The following GRM7 variants were observed in gnomAD, a reference collection of about 807,000 sequenced individuals.
GRM7 encodes the protein metabotropic glutamate receptor 7.
Under a neutral mutation model 84.5 loss-of-function variants are expected in GRM7, and 35 were observed. That is an observed-to-expected ratio of 0.41 (90% CI 0.32 to 0.55). GRM7 has a LOEUF of 0.55. Among genes scored for constraint, GRM7 ranks in the 20% least tolerant of loss-of-function variants. GRM7 has a pLI of 0.19. For missense variants in GRM7, 1,003 were observed against 1,194.6 expected (o/e 0.84, Z 2.36); for synonymous variants, 487 against 455.1 (o/e 1.07, Z -0.89).
chr3:7,112,327 C>T (rs1460280031), intron 1 of GRM7, among the ~76,000 whole-genome samples: 4 of 151,758 alleles, frequency 2.6e-5, no homozygotes, highest in Admixed American at 6.6e-5. Flanking sequence ...CAGGTTCAAG[C>T]GATTCTCCTG....
chr3:7,262,627 G>C (rs1698475142), intron 2 of GRM7, among the ~76,000 whole-genome samples: 1 of 152,284 alleles, frequency 6.6e-6, no homozygotes, highest in African/African-American at 2.4e-5. Context: ...GCCTGGTTAA[G>C]AATTTTTGCT....
At chr3:7,513,331 T>C (rs1700274310) in intron 7 of GRM7, among the ~76,000 whole-genome samples, 1 of 152,176 alleles carries the variant, frequency 6.6e-6, no homozygotes, top group African/African-American at 2.4e-5. Context: ...GTCCTCATTA[T>C]TTAGAAACTT....
Position 7,085,819 on chromosome 3 carries a change from T to C in GRM7, c.520-60633T>C, listed in dbSNP as rs565307736. On this transcript the variant is annotated intron_variant, in intron 1 of 9. Coordinates refer to ENST00000357716, the MANE Select transcript of GRM7 (RefSeq NM_000844.4). ...AACCTACCCCCATCCTCTTGGAATA[T>C]TGATCTTATTCAGTTGTTGGAAAAT... 2.0e-5 allele frequency among the ~76,000 whole-genome samples: 3 copies of C among 152,266 alleles called. No individual in the cohort carries two copies. In the South Asian group the frequency reaches 6.2e-4, roughly 32 times the overall value.
intron 1 of GRM7, among the ~76,000 whole-genome samples, chr3:7,062,661 G>A (rs1697469460): frequency 6.6e-6 from 1 of 151,608 alleles, no homozygotes. Flanking sequence ...GTAAAAAGTT[G>A]ACTTTTAGCA....
At chr3:7,728,261 GGAAAA>G (rs1702200221) in intron 9 of GRM7, among the ~76,000 whole-genome samples, 1 of 152,180 alleles carries the variant, frequency 6.6e-6, no homozygotes, top group Non-Finnish European at 1.5e-5. Context: ...CAGACAAACT[GGAAAA>G]GAAGAGAGTT....
chr3:7,609,836 C>G (rs895329970), intron 8 of GRM7, among the ~76,000 whole-genome samples: 4 of 152,128 alleles, frequency 2.6e-5, no homozygotes, highest in African/African-American at 9.7e-5. Flanking sequence ...ACTTTGACAA[C>G]CACTCCTTTA....
At chr3:7,597,062 G>A (rs892548748) in intron 8 of GRM7, among the ~76,000 whole-genome samples, 3 of 152,154 alleles carry the variant, frequency 2.0e-5, no homozygotes, top group African/African-American at 7.2e-5. Flanking sequence ...AAATACCTGA[G>A]ACTGGGTAAT....
chr3:7,488,783 G>A (rs1214212175), intron 7 of GRM7, among the ~76,000 whole-genome samples: 1 of 152,020 alleles, frequency 6.6e-6, no homozygotes, highest in Admixed American at 6.6e-5. Context: ...CATATAAAAA[G>A]TTGGTTGTCT....
chr3:6,987,620 T>C (rs1005824699), intron 1 of GRM7, among the ~76,000 whole-genome samples: 4 of 152,128 alleles, frequency 2.6e-5, no homozygotes, highest in African/African-American at 9.7e-5. Flanking sequence ...AGGTGAAGTT[T>C]GAGAGCTATT....
At chr3:7,370,203 AT>A (rs900734800) in intron 4 of GRM7, among the ~76,000 whole-genome samples, 27 of 152,182 alleles carry the variant, frequency 1.8e-4, no homozygotes, top group East Asian at 1.4e-3. Context: ...GATACTGAGA[AT>A]TTTTTTTACT....
chr3:7,132,979 A>G (rs1693654106), intron 1 of GRM7, among the ~76,000 whole-genome samples: 1 of 152,104 alleles, frequency 6.6e-6, no homozygotes, highest in African/African-American at 2.4e-5. Context: ...ACATACTTAT[A>G]CAAGTGGTGA....
At chr3:7,647,614 C>G (rs1053753533) in intron 8 of GRM7, among the ~76,000 whole-genome samples, 1 of 152,146 alleles carries the variant, frequency 6.6e-6, no homozygotes, top group Non-Finnish European at 1.5e-5. Flanking sequence ...AAAAAAATCA[C>G]TCTGAATTAT....
At chr3:7,524,007 AGAG>A (rs1700697771) in intron 7 of GRM7, among the ~76,000 whole-genome samples, 6 of 152,132 alleles carry the variant, frequency 3.9e-5, no homozygotes, top group African/African-American at 1.4e-4. Flanking sequence ...TCTTGCTCCT[AGAG>A]AGATCACGGA....
intron 2 of GRM7, among the ~76,000 whole-genome samples, chr3:7,200,405 C>T (rs1007370078): frequency 6.6e-6 from 1 of 152,134 alleles, no homozygotes; most frequent in African/African-American, 2.4e-5. Flanking sequence ...CTGCCCTACC[C>T]AGGATTTCTC....
chr3:7,347,524 C>T (rs751700233), intron 4 of GRM7, among the ~76,000 whole-genome samples: 8 of 152,118 alleles, frequency 5.3e-5, no homozygotes, highest in East Asian at 1.9e-4. Context: ...TCACAGGACC[C>T]GTGCAGATTG....
intron 7 of GRM7, among the ~76,000 whole-genome samples, chr3:7,504,657 C>T (rs1456597932): frequency 6.6e-6 from 1 of 152,156 alleles, no homozygotes; most frequent in Non-Finnish European, 1.5e-5. Context: ...AATAAAGGCA[C>T]TCCCACGATA....
At chr3:7,547,298 C>A (rs578091040) in intron 7 of GRM7, among the ~76,000 whole-genome samples, 3 of 151,120 alleles carry the variant, frequency 2.0e-5, no homozygotes, top group Non-Finnish European at 2.9e-5. Flanking sequence ...GCTCCACCCC[C>A]CGGGTTCACG....
At chr3:7,690,148 C>T (rs1291839112) in intron 9 of GRM7, among the ~76,000 whole-genome samples, 1 of 152,084 alleles carries the variant, frequency 6.6e-6, no homozygotes, top group East Asian at 1.9e-4. Flanking sequence ...AAAGCAGTTA[C>T]GTGAGGCTAT....
At chr3:7,321,041 A>G (rs994250008) in intron 4 of GRM7, among the ~76,000 whole-genome samples, 4 of 151,790 alleles carry the variant, frequency 2.6e-5, no homozygotes, top group Non-Finnish European at 5.9e-5. Flanking sequence ...GCTTTTTTCC[A>G]TCTTCTTTAG....
Sources: gnomAD v4.1 joint callset for allele counts (sites outside exome capture counted in the v4.1 genomes callset) on GRCh38, gnomAD v4.1.1 for gene constraint, MANE v1.5 for transcripts, NCBI Gene and HGNC (gene_info 2026-07-23, HGNC 2026-07-21) for gene names.